The following PTCSC3 variants were observed in gnomAD, a reference collection of about 807,000 sequenced individuals.
PTCSC3 encodes papillary thyroid carcinoma susceptibility candidate 3 (non-protein coding).
chr14:36,161,664 G>C (rs925353040), intron 2 of PTCSC3, among the ~76,000 whole-genome samples: 2 of 152,162 alleles, frequency 1.3e-5, no homozygotes, highest in African/African-American at 4.8e-5. Flanking sequence ...TGTCCACCCC[G>C]GCTGGGAGGT....
chr14:36,146,656 GTTTACA>G (rs1243125067), intron 3 of PTCSC3, among the ~76,000 whole-genome samples: 1 of 151,646 alleles, frequency 6.6e-6, no homozygotes, highest in African/African-American at 2.4e-5. Flanking sequence ...CATTTAGTCC[GTTTACA>G]TTTAAAGTTA....
downstream of PTCSC3, among the ~76,000 whole-genome samples, chr14:36,135,010 G>A (rs148855849): frequency 9.2e-5 from 14 of 152,254 alleles, no homozygotes; most frequent in African/African-American, 2.4e-4. Context: ...AATTTTGGCC[G>A]CATGTGAAAG....
At chr14:36,141,347 T>G (rs1361470195) in intron 3 of PTCSC3, among the ~76,000 whole-genome samples, 1 of 152,196 alleles carries the variant, frequency 6.6e-6, no homozygotes, top group Non-Finnish European at 1.5e-5. Flanking sequence ...TTGACAATAT[T>G]GATTTTTTTT....
At chr14:36,145,961 G>C (rs1221551107) in intron 3 of PTCSC3, among the ~76,000 whole-genome samples, 1 of 152,066 alleles carries the variant, frequency 6.6e-6, no homozygotes, top group Non-Finnish European at 1.5e-5. Context: ...TTTCCATGTA[G>C]TTGAGCGGTT....
intron 3 of PTCSC3, among the ~76,000 whole-genome samples, chr14:36,145,769 GA>G (rs1293792177): frequency 2.7e-5 from 4 of 145,658 alleles, no homozygotes; most frequent in African/African-American, 7.6e-5. Flanking sequence ...GTCAATTTTG[GA>G]TCTTTCCTGC....
chr14:36,153,146 G>T (rs1311914350), intron 3 of PTCSC3, among the ~76,000 whole-genome samples: 3 of 152,086 alleles, frequency 2.0e-5, no homozygotes, highest in Non-Finnish European at 4.4e-5. Context: ...TCTCCTCATT[G>T]TATCCTCACA....
intron 3 of PTCSC3, among the ~76,000 whole-genome samples, chr14:36,147,324 T>A (rs1881599564): frequency 6.6e-6 from 1 of 152,210 alleles, no homozygotes; most frequent in South Asian, 2.1e-4. Context: ...TTTGGTCTTT[T>A]CACATAGTCC....
chr14:36,140,532 C>T (rs1050057709), intron 3 of PTCSC3, among the ~76,000 whole-genome samples: 1 of 152,128 alleles, frequency 6.6e-6, no homozygotes, highest in Non-Finnish European at 1.5e-5. Context: ...TTGTTTTAGT[C>T]GTTCTAATCC....
At chr14:36,140,681 T>C (rs569438922) in intron 3 of PTCSC3, among the ~76,000 whole-genome samples, 1 of 152,318 alleles carries the variant, frequency 6.6e-6, no homozygotes, top group Non-Finnish European at 1.5e-5. Context: ...AATTGGGTTA[T>C]CTTTTTGTGG....
rs148291250 is a variant in PTCSC3, at chr14:36,152,272, A to T, written n.322+1532T>A. Among the ~76,000 whole-genome samples, 1,069 of 152,316 alleles carry T rather than the reference A, an allele frequency of 7.0e-3. 7 individuals carry two copies. Among genetic ancestry groups the T allele is most frequent in the Non-Finnish European group, 7.6e-3 (518 of 68,020 alleles). On this transcript the variant is annotated intron_variant and non_coding_transcript_variant, in intron 3 of 3. Coordinates refer to ENST00000556013, the Ensembl canonical transcript of PTCSC3. ...AATAAATTGGACTTTATTAAAATAA[A>T]AAAAAAACTTTTTTTCATCAAAAGA...
chr14:36,162,725 T>C (rs1881993388), intron 1 of PTCSC3: 1 of 152,258 alleles, frequency 6.6e-6, no homozygotes, highest in African/African-American at 2.4e-5. Flanking sequence ...CAGTCCATGA[T>C]AGATTACCTT....
chr14:36,173,916 T>C (rs749722042), intron 1 of PTCSC3, among the ~76,000 whole-genome samples: 6 of 152,210 alleles, frequency 3.9e-5, no homozygotes, highest in Non-Finnish European at 8.8e-5. Context: ...CATTGTCTTC[T>C]GGACTCCATT....
intron 3 of PTCSC3, among the ~76,000 whole-genome samples, chr14:36,145,459 T>C (rs1566503550): frequency 6.7e-6 from 1 of 150,134 alleles, no homozygotes; most frequent in Non-Finnish European, 1.5e-5. Context: ...GAGGTGTTTG[T>C]AGTATTCTCT....
chr14:36,167,680 C>G (rs943749539), intron 1 of PTCSC3, among the ~76,000 whole-genome samples: 1 of 152,236 alleles, frequency 6.6e-6, no homozygotes, highest in Admixed American at 6.5e-5. Flanking sequence ...GCCAAGTCAT[C>G]ATCCAACACA....
chr14:36,142,705 G>A (rs2139089402), intron 3 of PTCSC3, among the ~76,000 whole-genome samples: 1 of 149,574 alleles, frequency 6.7e-6, no homozygotes, highest in Middle Eastern at 3.5e-3. Context: ...TGTGCACATT[G>A]TGCAGGTTAG....
intron 2 of PTCSC3, among the ~76,000 whole-genome samples, chr14:36,160,027 T>A (rs1041099193): frequency 6.6e-6 from 1 of 152,232 alleles, no homozygotes; most frequent in Non-Finnish European, 1.5e-5. Flanking sequence ...GTCTGTTTTA[T>A]CAGAGACTAG....
At chr14:36,155,053 A>G (rs144113584) in intron 2 of PTCSC3, among the ~76,000 whole-genome samples, 2,382 of 152,238 alleles carry the variant, frequency 0.016, 32 homozygotes, top group South Asian at 0.043. Context: ...GTGAGTTTTC[A>G]TGGCACAAAT....
chr14:36,166,316 C>T (rs545040776), intron 1 of PTCSC3, among the ~76,000 whole-genome samples: 3 of 152,288 alleles, frequency 2.0e-5, no homozygotes, highest in African/African-American at 7.2e-5. Context: ...AAGGACGAAA[C>T]ATATTCCTAG....
Position 36,153,355 on chromosome 14 carries a change from G to A in PTCSC3, n.322+449C>T, listed in dbSNP as rs575389218. On this transcript the variant is annotated intron_variant and non_coding_transcript_variant, in intron 3 of 3. Transcript: ENST00000556013. ...GTACAACAATATCCAAATAGCCATT[G>A]AGCCTATGAAAACATTAGCCGTGAG... is the stretch of plus-strand genomic sequence containing the variant. 8.2e-4 allele frequency among the ~76,000 whole-genome samples: 125 copies of A among 152,266 alleles called. 2 individuals carry two copies. Among genetic ancestry groups the A allele is most frequent in the South Asian group, 1.7e-3 (8 of 4,818 alleles).
Sources: allele counts gnomAD v4.1 joint callset (sites outside exome capture counted in the v4.1 genomes callset), GRCh38; gene constraint gnomAD v4.1.1; transcripts MANE v1.5; gene names NCBI Gene and HGNC (gene_info 2026-07-23, HGNC 2026-07-21).